Variants in SLC25A25 observed in about 807,000 individuals in gnomAD.
SLC25A25 encodes mitochondrial adenyl nucleotide antiporter SLC25A25.
Under a neutral mutation model 57.7 loss-of-function variants are expected in SLC25A25, and 32 were observed. The ratio of observed to expected loss-of-function variants is 0.55; its 90% CI spans 0.42 to 0.74. The LOEUF (loss-of-function observed/expected upper bound fraction) is 0.74, where lower values mean the gene tolerates loss of function less well. Among genes scored for constraint, SLC25A25 ranks in the 30% least tolerant of loss-of-function variants. The pLI is 0.00. For missense variants in SLC25A25, 556 were observed against 701.3 expected (o/e 0.79, Z 2.34); for synonymous variants, 306 against 291.2 (o/e 1.05, Z -0.52).
In SLC25A25 at chr9:128,068,274, G is replaced by T. The variant is rs1451979785; in HGVS notation, c.-46G>T. On this transcript the variant is annotated 5_prime_UTR_variant, in exon 1 of 11. Coordinates refer to ENST00000373069, the MANE Select transcript of SLC25A25 (RefSeq NM_001330988.2). The stretch of plus-strand genomic sequence containing the variant: ...CCTCCCGCGCGGTCACCGCCGGCCC[G>T]CCGCCCCCGCTCCCGCCCGCGCCCG... 1.7e-6 allele frequency: 2 copies of T among 1,173,462 alleles called. No homozygotes were observed. The highest frequency in any genetic ancestry group is 1.6e-5 in the African/African-American group (1 of 61,926). The allele number at this position is 1,173,462 out of a possible 1,614,324, so 72.7% of individuals were successfully genotyped here.
At chr9:128,090,460 G>A (rs1833376135) in intron 1 of SLC25A25, among the ~76,000 whole-genome samples, 1 of 150,240 alleles carries the variant, frequency 6.7e-6, no homozygotes, top group Non-Finnish European at 1.5e-5. Flanking sequence ...GCCTCCCAAA[G>A]TGCTGGGATT....
Position 128,103,043 on chromosome 9 carries a change from G to A in SLC25A25, c.624+562G>A, listed in dbSNP as rs370789584. The stretch of plus-strand genomic sequence containing the variant: ...GCAGTCCTGTCCCTCTGGACCATCC[G>A]CTCCAGGAGGGGAGGCCAGAGGCGC... On this transcript the variant is annotated intron_variant, in intron 5 of 10. Coordinates refer to ENST00000373069, the MANE Select transcript of SLC25A25 (RefSeq NM_001330988.2). This position sits in a 1 kb window ranked among gnomAD's most constrained non-coding sequence, Gnocchi z 6.7. 6.6e-6 allele frequency among the ~76,000 whole-genome samples: 1 copy of A among 152,278 alleles called. No homozygotes were observed. The highest frequency in any genetic ancestry group is 2.1e-4 in the South Asian group (1 of 4,824).
rs191467951 is a variant in SLC25A25 at position 128,078,872 on chromosome 9, A to G, written c.261+10292A>G. 1.0e-3 allele frequency among the ~76,000 whole-genome samples: 156 copies of G among 152,244 alleles called. 1 individual carries two copies. The highest frequency in any genetic ancestry group is 2.0e-3 in the Non-Finnish European group (135 of 68,018). ...CCGCCTTCCTTCTTTGACTGTGGAC[A>G]CTTAACTTGCCTTTAAAACTTGGCC... On this transcript the variant is annotated intron_variant, in intron 1 of 10. Transcript: ENST00000373069.
At chr9:128,106,576 T>C (rs1035954743) in intron 9 of SLC25A25, 56 bp downstream of exon 9, 1 of 1,520,220 alleles carries the variant, frequency 6.6e-7, no homozygotes, top group Non-Finnish European at 8.8e-7. Flanking sequence ...CTCCACCTGC[T>C]GTCTCCCTCC....
At chr9:128,074,042 AT>A (rs368993748) in intron 1 of SLC25A25, among the ~76,000 whole-genome samples, 1 of 139,696 alleles carries the variant, frequency 7.2e-6, no homozygotes, top group Non-Finnish European at 1.6e-5. Flanking sequence ...CCTTGAGAAG[AT>A]TTTTTTGTGT....
At chr9:128,081,088 T>C (rs1833146839) in intron 1 of SLC25A25, among the ~76,000 whole-genome samples, 1 of 152,224 alleles carries the variant, frequency 6.6e-6, no homozygotes, top group African/African-American at 2.4e-5. Flanking sequence ...TAGATAGTTC[T>C]ATAGCTAAAG....
At chr9:128,104,782 T>C (rs1023316258) in intron 6 of SLC25A25, among the ~76,000 whole-genome samples, 27 of 151,942 alleles carry the variant, frequency 1.8e-4, no homozygotes, top group Non-Finnish European at 2.9e-5. Flanking sequence ...CATTCTATTT[T>C]TTAATATGTC....
Position 128,107,586 on chromosome 9 carries a change from T to C in SLC25A25, c.*142T>C. ...ACCCTAGACGCACCCGCAGGGAGGG[T>C]GGGGAGAGCTGGCAGGCCCAGGGCT... On this transcript the variant is annotated 3_prime_UTR_variant, in exon 11 of 11. Transcript: ENST00000373069. 5 of 992,918 alleles carry C rather than the reference T, an allele frequency of 5.0e-6. No individual in the cohort carries two copies. The highest frequency in any genetic ancestry group is 6.9e-6 in the Non-Finnish European group (5 of 724,406). The allele number at this position is 992,918 out of a possible 1,614,324, so 61.5% of individuals were successfully genotyped here.
At chr9:128,080,593 T>C (rs921184978) in intron 1 of SLC25A25, among the ~76,000 whole-genome samples, 4 of 151,872 alleles carry the variant, frequency 2.6e-5, no homozygotes, top group Admixed American at 6.6e-5. Context: ...CTAATTTTTT[T>C]TTTGTATTTT....
chr9:128,099,186 G>T lies in SLC25A25; in HGVS notation c.262-1910G>T. 7.9e-7 allele frequency: 1 copy of T among 1,264,548 alleles called. No homozygotes were observed. Among genetic ancestry groups the T allele is most frequent in the South Asian group, 1.3e-5 (1 of 77,262 alleles). The allele number at this position is 1,264,548 out of a possible 1,614,324, so 78.3% of individuals were successfully genotyped here. A position where few individuals can be genotyped will look rare whatever the true frequency, so the allele number is the denominator to read the frequency against. ...TCGCTGTGGAACAGGGCCTGTGTCT[G>T]CCCTGAAAGTGAGGAAGCCGAGCTG... On this transcript the variant is annotated intron_variant, in intron 1 of 10. Transcript: ENST00000373069. This position sits in a 1 kb window ranked among gnomAD's most constrained non-coding sequence, Gnocchi z 6.8.
intron 1 of SLC25A25, among the ~76,000 whole-genome samples, chr9:128,096,949 C>T (rs894368044): frequency 6.6e-6 from 1 of 152,182 alleles, no homozygotes; most frequent in African/African-American, 2.4e-5. Flanking sequence ...CTCACAGACT[C>T]GTTATCAGAT....
chr9:128,086,069 A>G (rs569145263), intron 1 of SLC25A25, among the ~76,000 whole-genome samples: 42 of 152,124 alleles, frequency 2.8e-4, no homozygotes, highest in Non-Finnish European at 4.9e-4. Flanking sequence ...TATGGGTGGA[A>G]TATGTTCTGA....
intron 1 of SLC25A25, among the ~76,000 whole-genome samples, chr9:128,077,488 GCCT>G (rs1035157552): frequency 1.5e-5 from 2 of 137,120 alleles, no homozygotes; most frequent in Admixed American, 7.8e-5. Context: ...CTGCACTCCA[GCCT>G]GGGCGACAGA....
chr9:128,106,611 G>A (rs1834051231), intron 9 of SLC25A25, 91 bp downstream of exon 9: 1 of 1,428,172 alleles, frequency 7.0e-7, no homozygotes, highest in South Asian at 1.4e-5. Context: ...GTTAGTGCAG[G>A]AAACTGCATC....
rs1018211741 is a variant in SLC25A25 at position 128,108,123 on chromosome 9, A to C, written c.*679A>C. On this transcript the variant is annotated 3_prime_UTR_variant, in exon 11 of 11. Coordinates refer to ENST00000373069, the MANE Select transcript of SLC25A25 (RefSeq NM_001330988.2). ...CTCGGGCTGCCTGGCCTGGCTGCAC[A>C]GAAGGCAAGTGCTGGGGCTCATGGT... The C allele has an allele frequency of 1.0e-5, 4 of 399,490 alleles. No individual in the cohort carries two copies. The highest frequency in any genetic ancestry group is 1.8e-5 in the Non-Finnish European group (4 of 226,612). The allele number at this position is 399,490 out of a possible 1,614,324, so 24.7% of individuals were successfully genotyped here.
At position 128,099,463 on chromosome 9, in the gene SLC25A25, G is replaced by A. The variant is rs138087463; in HGVS notation, c.262-1633G>A. ...CATGTGGCTCACCCTGGCAGCAGGC[G>A]GCTGGGTCCCAGAGGGCTCCATGCC... is the stretch of plus-strand genomic sequence containing the variant. On this transcript the variant is annotated intron_variant, in intron 1 of 10. Transcript: ENST00000373069. The surrounding 1 kb of genome is among the most constrained non-coding windows in gnomAD (Gnocchi z 6.8). 1.6e-3 allele frequency: 1,829 copies of A among 1,117,704 alleles called. 24 individuals are homozygous for A. In the African/African-American group the frequency reaches 0.027, roughly 17 times the overall value. The allele number at this position is 1,117,704 out of a possible 1,614,324, so 69.2% of individuals were successfully genotyped here.
Position 128,103,762 on chromosome 9 carries a change from C to A in SLC25A25, c.706C>A (p.Leu236Met), listed in dbSNP as rs771041847. 17 of 1,614,052 alleles carry A rather than the reference C, an allele frequency of 1.1e-5. No homozygotes were observed. Among genetic ancestry groups the A allele is most frequent in the Non-Finnish European group, 1.4e-5 (16 of 1,179,968 alleles). Residue 236 changes from leucine to methionine, a missense_variant, in exon 6 of 11, where the codon CTG becomes ATG. Transcript: ENST00000373069. The surrounding 1 kb of genome is among the most constrained non-coding windows in gnomAD (Gnocchi z 6.7). ...GCAGACGGGGATGTGGTGGAGACACCTGGTGGCAGGAGGTGGGGCAGGGGC... is the reference window on the plus strand; with the variant it reads ...GCAGACGGGGATGTGGTGGAGACACATGGTGGCAGGAGGTGGGGCAGGGGC... ...ERQTGMWWRH[L>M]VAGGGAGAVS...
chr9:128,085,209 T>C (rs1443325696), intron 1 of SLC25A25, among the ~76,000 whole-genome samples: 1 of 151,992 alleles, frequency 6.6e-6, no homozygotes, highest in East Asian at 1.9e-4. Flanking sequence ...CGGGCGCCTG[T>C]AGTCCCAGCT....
At chr9:128,078,430 G>A (rs1833066000) in intron 1 of SLC25A25, among the ~76,000 whole-genome samples, 3 of 152,200 alleles carry the variant, frequency 2.0e-5, no homozygotes, top group African/African-American at 7.2e-5. Flanking sequence ...GCAACCTGGA[G>A]AGGGAGAAGC....
Sources: gnomAD v4.1 joint callset for allele counts (sites outside exome capture counted in the v4.1 genomes callset) on GRCh38, gnomAD v4.1.1 for gene constraint, Gnocchi (gnomAD v3.1) non-coding constraint, MANE v1.5 for transcripts, NCBI Gene and HGNC (gene_info 2026-07-23, HGNC 2026-07-21) for gene names.